Variants in XIRP2 observed in about 807,000 individuals in gnomAD.
XIRP2 encodes xin actin-binding repeat-containing protein 2.
A neutral mutation model predicts 277.0 loss-of-function variants in XIRP2; 236 were observed. The observed-to-expected ratio is 0.85, with a 90% CI of 0.77 to 0.95. The LOEUF (loss-of-function observed/expected upper bound fraction) is 0.95, where lower values mean the gene tolerates loss of function less well. Among genes scored for constraint, XIRP2 ranks in the 40% least tolerant of loss-of-function variants. The pLI, the probability that XIRP2 is intolerant of heterozygous loss-of-function variation, is 0.00. For missense variants in XIRP2, 4,640 were observed against 4,157.5 expected, an observed-to-expected ratio of 1.12 and a Z score of -3.19; for synonymous variants, 1,490 against 1,416.5, an observed-to-expected ratio of 1.05 and a Z score of -1.17.
chr2:166,903,785 G>A lies in XIRP2; in HGVS notation c.303G>A (p.Leu101=), dbSNP rs761628903. ...CAGAAGTGCTGAAGGAGGATTCCCT[G>A]AGCAGTCGGCGCAGGATTGAACGCT... The part of the protein sequence containing the change: ...GRPEVLKEDS[L]SSRRRIERFS... The change falls in exon 2 of 11, where the codon CTG becomes CTA. Residue 101 remains leucine (L), a synonymous_variant. Transcript: ENST00000409195. The A allele has an allele frequency of 2.0e-5, 32 of 1,613,560 alleles. No homozygotes were observed. The highest frequency in any genetic ancestry group is 2.5e-5 in the Non-Finnish European group (30 of 1,179,794).
chr2:167,093,118 G>A (rs1690194953), intron 2 of XIRP2, among the ~76,000 whole-genome samples: 1 of 151,906 alleles, frequency 6.6e-6, no homozygotes, highest in Non-Finnish European at 1.5e-5. Flanking sequence ...TAGAAATAAT[G>A]TCAAATATAT....
chr2:166,920,959 T>C (rs4449153), intron 2 of XIRP2, among the ~76,000 whole-genome samples: 45,671 of 152,068 alleles, frequency 0.3, 7,460 homozygotes, highest in East Asian at 0.55. Context: ...TAACAGAGTT[T>C]AGAATAGCTA....
intron 3 of XIRP2, among the ~76,000 whole-genome samples, chr2:167,152,300 G>A (rs1692041077): frequency 6.6e-6 from 1 of 152,014 alleles, no homozygotes; most frequent in Non-Finnish European, 1.5e-5. Flanking sequence ...CAAAGACACA[G>A]GGACACAGAG....
At chr2:167,157,938 A>T (rs1229325907) in intron 3 of XIRP2, among the ~76,000 whole-genome samples, 1 of 152,158 alleles carries the variant, frequency 6.6e-6, no homozygotes, top group Non-Finnish European at 1.5e-5. Context: ...AGTGAAAAAA[A>T]AGTCTATGAC....
At chr2:166,909,785 C>T (rs1453369184) in intron 2 of XIRP2, among the ~76,000 whole-genome samples, 1 of 152,150 alleles carries the variant, frequency 6.6e-6, no homozygotes, top group African/African-American at 2.4e-5. Context: ...TTTTGAGATA[C>T]ATCCCATCAA....
At chr2:167,195,781 A>G (rs571682819) in intron 3 of XIRP2, among the ~76,000 whole-genome samples, 1 of 152,304 alleles carries the variant, frequency 6.6e-6, no homozygotes, top group African/African-American at 2.4e-5. Context: ...TGGAGCCTGC[A>G]ATGGATGAGG....
At chr2:166,952,508 G>C (rs1686060661) in intron 2 of XIRP2, among the ~76,000 whole-genome samples, 1 of 151,910 alleles carries the variant, frequency 6.6e-6, no homozygotes, top group African/African-American at 2.4e-5. Context: ...AACATGTCTA[G>C]AATTATACAA....
intron 2 of XIRP2, among the ~76,000 whole-genome samples, chr2:167,076,892 G>A (rs941135005): frequency 3.3e-5 from 5 of 152,066 alleles, no homozygotes; most frequent in Non-Finnish European, 5.9e-5. Flanking sequence ...AGTGCAGTGG[G>A]GCAATCTCGG....
At chr2:167,150,906 T>G (rs190479379) in intron 3 of XIRP2, among the ~76,000 whole-genome samples, 77 of 152,230 alleles carry the variant, frequency 5.1e-4, no homozygotes, top group Non-Finnish European at 9.0e-4. Context: ...TTTAATTCCA[T>G]GTATTTTAGA....
chr2:167,170,370 G>A (rs1573930971), intron 3 of XIRP2, among the ~76,000 whole-genome samples: 1 of 152,092 alleles, frequency 6.6e-6, no homozygotes, highest in East Asian at 1.9e-4. Context: ...AAAATTTTAG[G>A]AAATATTGGT....
chr2:167,037,995 G>C (rs143439214), intron 2 of XIRP2, among the ~76,000 whole-genome samples: 1 of 151,922 alleles, frequency 6.6e-6, no homozygotes, highest in Non-Finnish European at 1.5e-5. Flanking sequence ...AATTCGAATA[G>C]TACTAAATGA....
intron 4 of XIRP2, among the ~76,000 whole-genome samples, chr2:167,213,933 T>G (rs1421593077): frequency 1.3e-5 from 2 of 151,834 alleles, no homozygotes; most frequent in African/African-American, 4.8e-5. Flanking sequence ...GTACTACTAT[T>G]AAAAATAATC....
rs1169042006 is a variant in XIRP2, at chr2:167,149,532, TAG to T, written c.562+13472_562+13473del. On this transcript the variant is annotated intron_variant, in intron 3 of 10. Transcript: ENST00000409195. ...GCAATTCAGGTCAGTTGGAAATGGA[TAG>T]ACTAGTCGGTGAATTAGTACTTAGG... Among the ~76,000 whole-genome samples the T allele has an allele frequency of 3.3e-5, 5 of 152,300 alleles. No homozygotes were observed. The South Asian group carries it at 6.2e-4, about 19-fold the overall frequency.
Position 166,920,565 on chromosome 2 carries a change from A to G in XIRP2, c.408+16675A>G, listed in dbSNP as rs114720728. ...TCTTTGAAACTGATATGCTTCTCAT[A>G]GTCAGTGCCATTTCATAGTTTGTCA... On this transcript the variant is annotated intron_variant, in intron 2 of 10. Coordinates refer to ENST00000409195, the MANE Select transcript of XIRP2 (RefSeq NM_152381.6). Among the ~76,000 whole-genome samples, 95 of 152,306 alleles carry G rather than the reference A, an allele frequency of 6.2e-4. 1 individual carries two copies. Among genetic ancestry groups the G allele is most frequent in the African/African-American group, 2.1e-3 (89 of 41,564 alleles).
intron 3 of XIRP2, among the ~76,000 whole-genome samples, chr2:167,166,363 T>C (rs1325555935): frequency 6.6e-6 from 1 of 152,202 alleles, no homozygotes; most frequent in Non-Finnish European, 1.5e-5. Flanking sequence ...GAAATGTGTA[T>C]TTTATGGCCT....
At chr2:167,165,866 C>G (rs1336492639) in intron 3 of XIRP2, among the ~76,000 whole-genome samples, 1 of 152,142 alleles carries the variant, frequency 6.6e-6, no homozygotes, top group Non-Finnish European at 1.5e-5. Flanking sequence ...TATTTGTTCT[C>G]TCATGGATTA....
rs754756218 is a variant in XIRP2, at chr2:167,210,826, C to T, written c.654C>T (p.Ser218=). The T allele has an allele frequency of 6.2e-7, 1 of 1,614,160 alleles. No homozygotes were observed. The highest frequency in any genetic ancestry group is 8.5e-7 in the Non-Finnish European group (1 of 1,180,030). The change falls in exon 4 of 11, where the codon TCC becomes TCT. Residue 218 remains serine (S), a synonymous_variant. Transcript: ENST00000409195. ...TGTCAGACCTCCACGAAGTGGTCTC[C>T]CTGAAGGAGCGGATGGCGAGGTACC... The part of the protein sequence containing the change: ...EGVSDLHEVV[S]LKERMARYQA...
intron 3 of XIRP2, among the ~76,000 whole-genome samples, chr2:167,185,865 G>T (rs1251342855): frequency 6.6e-6 from 1 of 152,044 alleles, no homozygotes; most frequent in African/African-American, 2.4e-5. Flanking sequence ...CCAATGGAAG[G>T]TTGGTCAGCT....
intron 3 of XIRP2, among the ~76,000 whole-genome samples, chr2:167,191,185 C>CA (rs931552422): frequency 0.026 from 1,198 of 45,914 alleles, 13 homozygotes; most frequent in African/African-American, 0.055. Context: ...GACCCTGTCT[C>CA]AAAAAAAAAA....
Sources: allele counts gnomAD v4.1 joint callset (sites outside exome capture counted in the v4.1 genomes callset), GRCh38; gene constraint gnomAD v4.1.1; transcripts MANE v1.5; gene names NCBI Gene and HGNC (gene_info 2026-07-23, HGNC 2026-07-21).